Variants in NLGN1 observed in about 807,000 individuals in gnomAD.
The protein encoded by NLGN1 is neuroligin 1.
NLGN1 carries 12 observed loss-of-function variants against 65.5 expected under a neutral mutation model. The observed-to-expected ratio is 0.18, with a 90% CI of 0.12 to 0.30. The LOEUF is 0.30. Ranked by LOEUF, NLGN1 falls within the 10% of genes least tolerant of loss-of-function variation. The pLI is 1.00. For synonymous variants in NLGN1, 350 were observed against 359.5 expected (o/e 0.97, Z 0.30); for missense variants, 750 against 1,007.1 (o/e 0.74, Z 3.46).
intron 4 of NLGN1, among the ~76,000 whole-genome samples, chr3:173,848,998 T>C (rs934720421): frequency 6.6e-6 from 1 of 152,128 alleles, no homozygotes; most frequent in South Asian, 2.1e-4. Context: ...AGAAACCAAC[T>C]GGAGACTCCA....
chr3:173,807,614 G>A (rs1716944013), intron 3 of NLGN1, 66 bp from the exon 4 acceptor site: 1 of 1,538,760 alleles, frequency 6.5e-7, no homozygotes, highest in Non-Finnish European at 8.9e-7. Context: ...GATGGAAAAT[G>A]TATTCTCTGC....
At chr3:173,906,515 C>T (rs1400056755) in intron 4 of NLGN1, among the ~76,000 whole-genome samples, 1 of 152,028 alleles carries the variant, frequency 6.6e-6, no homozygotes, top group Non-Finnish European at 1.5e-5. Flanking sequence ...ACTGTGCTGC[C>T]GTCTATCTAA....
At chr3:173,804,818 G>T (rs1716281103) in intron 3 of NLGN1, among the ~76,000 whole-genome samples, 1 of 152,128 alleles carries the variant, frequency 6.6e-6, no homozygotes, top group African/African-American at 2.4e-5. Context: ...CCTGAGGTCA[G>T]GAGTTCAAGA....
intron 4 of NLGN1, among the ~76,000 whole-genome samples, chr3:174,254,001 A>C (rs772329929): frequency 1.3e-5 from 2 of 152,170 alleles, no homozygotes; most frequent in African/African-American, 2.4e-5. Context: ...TTTGAGTGGA[A>C]TCCAAAAGCC....
At chr3:173,530,824 A>G (rs1033954193) in intron 2 of NLGN1, among the ~76,000 whole-genome samples, 5 of 151,954 alleles carry the variant, frequency 3.3e-5, no homozygotes, top group African/African-American at 9.7e-5. Flanking sequence ...TTCTTTTGTC[A>G]TTTAGTTTAT....
chr3:173,884,721 A>G (rs1734004251), intron 4 of NLGN1, among the ~76,000 whole-genome samples: 2 of 152,094 alleles, frequency 1.3e-5, no homozygotes, highest in Admixed American at 1.3e-4. Context: ...GTAATCTACC[A>G]ATTTCTTAGT....
intron 3 of NLGN1, among the ~76,000 whole-genome samples, chr3:173,618,705 G>C (rs1753520787): frequency 6.6e-6 from 1 of 152,154 alleles, no homozygotes; most frequent in Non-Finnish European, 1.5e-5. Flanking sequence ...AGATCACTGA[G>C]ATAAATAGAG....
At chr3:173,536,271 A>G (rs958232154) in intron 2 of NLGN1, among the ~76,000 whole-genome samples, 6 of 152,168 alleles carry the variant, frequency 3.9e-5, no homozygotes, top group Admixed American at 1.3e-4. Flanking sequence ...ATCACAGTCT[A>G]TTCTGGAGAT....
intron 4 of NLGN1, among the ~76,000 whole-genome samples, chr3:174,130,671 T>C (rs1719994294): frequency 6.6e-6 from 1 of 151,950 alleles, no homozygotes; most frequent in Non-Finnish European, 1.5e-5. Context: ...ATGGCAAAGG[T>C]GTAGCAGGTG....
chr3:173,839,700 C>T (rs1292874436), intron 4 of NLGN1, among the ~76,000 whole-genome samples: 3 of 151,974 alleles, frequency 2.0e-5, no homozygotes, highest in South Asian at 2.1e-4. Flanking sequence ...GGATTACAGG[C>T]GTGAGCCGCT....
chr3:174,286,165 C>T (rs1231060190), exon 7 of NLGN1: 1 of 150,588 alleles, frequency 6.6e-6, no homozygotes, highest in Non-Finnish European at 1.5e-5. Context: ...ATATATATAC[C>T]CTATATACTA....
At chr3:173,884,909 C>CA (rs1457368216) in intron 4 of NLGN1, among the ~76,000 whole-genome samples, 1 of 152,026 alleles carries the variant, frequency 6.6e-6, no homozygotes, top group Non-Finnish European at 1.5e-5. Context: ...CTGAAGAGGC[C>CA]AAATGCTGCG....
intron 4 of NLGN1, among the ~76,000 whole-genome samples, chr3:173,978,279 T>A (rs1048630332): frequency 6.6e-6 from 1 of 152,030 alleles, no homozygotes; most frequent in Non-Finnish European, 1.5e-5. Context: ...TGTGACAAAT[T>A]GGATAGGAGA....
intron 3 of NLGN1, among the ~76,000 whole-genome samples, chr3:173,630,712 C>A (rs751012040): frequency 2.1e-4 from 32 of 152,086 alleles, no homozygotes; most frequent in Admixed American, 2.0e-3. Flanking sequence ...TACTAGGTAC[C>A]AGTATTCTTT....
At chr3:173,932,772 T>C (rs924443541) in intron 4 of NLGN1, among the ~76,000 whole-genome samples, 2 of 152,086 alleles carry the variant, frequency 1.3e-5, no homozygotes, top group Admixed American at 1.3e-4. Context: ...TTGAAGGCTG[T>C]TTGGCTGGGT....
intron 3 of NLGN1, among the ~76,000 whole-genome samples, chr3:173,657,543 A>G (rs1760250970): frequency 6.6e-6 from 1 of 151,710 alleles, no homozygotes; most frequent in Admixed American, 6.6e-5. Flanking sequence ...CAGTGGGGGG[A>G]AAGCTAACCC....
intron 3 of NLGN1, among the ~76,000 whole-genome samples, chr3:173,624,140 G>C (rs1322565859): frequency 6.6e-6 from 1 of 152,070 alleles, no homozygotes. Flanking sequence ...CCGTGTATTT[G>C]AGCAAGTCAT....
At chr3:174,283,347 A>C (rs2152897641) in exon 7 of NLGN1, 1 of 151,608 alleles carries the variant, frequency 6.6e-6, no homozygotes, top group African/African-American at 2.4e-5. Context: ...CCATGAAAAA[A>C]AGAAAGATTA....
chr3:174,215,162 ATC>A (rs1315917523), intron 4 of NLGN1, among the ~76,000 whole-genome samples: 1 of 152,164 alleles, frequency 6.6e-6, no homozygotes, highest in African/African-American at 2.4e-5. Context: ...GTTTCAGATC[ATC>A]ACCTCTGACT....
Sources: gnomAD v4.1 joint callset for allele counts (sites outside exome capture counted in the v4.1 genomes callset) on GRCh38, gnomAD v4.1.1 for gene constraint, MANE v1.5 for transcripts, NCBI Gene and HGNC (gene_info 2026-07-23, HGNC 2026-07-21) for gene names.